Variants in RAD18 observed in about 807,000 individuals in gnomAD.
The protein encoded by RAD18 is E3 ubiquitin-protein ligase RAD18.
RAD18 carries 47 observed loss-of-function variants against 60.4 expected under a neutral mutation model. The ratio of observed to expected loss-of-function variants is 0.78; its 90% CI spans 0.62 to 0.99. RAD18 has a LOEUF of 0.99. RAD18 is among the 50% of genes least tolerant of loss of function. The pLI, the probability that RAD18 is intolerant of heterozygous loss-of-function variation, is 0.00. For missense variants in RAD18, 640 were observed against 593.3 expected, an observed-to-expected ratio of 1.08 and a Z score of -0.82; for synonymous variants, 225 against 195.5, an observed-to-expected ratio of 1.15 and a Z score of -1.26.
At chr3:8,889,186 C>T (rs1203415226) in intron 12 of RAD18, among the ~76,000 whole-genome samples, 5 of 152,192 alleles carry the variant, frequency 3.3e-5, no homozygotes, top group Admixed American at 3.3e-4. Flanking sequence ...GCACAGCAAG[C>T]CTCTCCACCT....
intron 12 of RAD18, 109 bp downstream of exon 12, chr3:8,890,280 C>T (rs1939662013): frequency 9.3e-6 from 8 of 856,310 alleles, no homozygotes; most frequent in South Asian, 1.6e-5. Flanking sequence ...AGGATTACTA[C>T]TTCTTTAAAC....
intron 11 of RAD18, among the ~76,000 whole-genome samples, chr3:8,892,030 C>T (rs1034676836): frequency 6.6e-6 from 1 of 152,158 alleles, no homozygotes; most frequent in Non-Finnish European, 1.5e-5. Context: ...GGGATAAAAG[C>T]AATTAATATT....
chr3:8,934,795 G>T (rs562320191), intron 7 of RAD18, among the ~76,000 whole-genome samples: 1 of 152,300 alleles, frequency 6.6e-6, no homozygotes, highest in South Asian at 2.1e-4. Context: ...ATTATTAATA[G>T]AGGAAAAGTG....
At chr3:8,912,903 C>A (rs1248515717) in intron 8 of RAD18, among the ~76,000 whole-genome samples, 1 of 152,114 alleles carries the variant, frequency 6.6e-6, no homozygotes, top group African/African-American at 2.4e-5. Flanking sequence ...ACTGCAGTTC[C>A]CATCTTACAG....
At chr3:8,960,320 A>G (rs960539250) in intron 1 of RAD18, among the ~76,000 whole-genome samples, 8 of 152,182 alleles carry the variant, frequency 5.3e-5, no homozygotes, top group South Asian at 4.1e-4. Flanking sequence ...AAAAAAAGGA[A>G]AAAAGAATGC....
chr3:8,907,896 C>T (rs951136453), intron 9 of RAD18, among the ~76,000 whole-genome samples: 1 of 152,202 alleles, frequency 6.6e-6, no homozygotes, highest in African/African-American at 2.4e-5. Flanking sequence ...CTGCTCCCAC[C>T]AGAGAGGAGC....
chr3:8,893,883 T>C (rs6807377), intron 11 of RAD18, among the ~76,000 whole-genome samples: 30,877 of 151,630 alleles, frequency 0.2, 4,899 homozygotes, highest in African/African-American at 0.44. Context: ...AGAGATGGCA[T>C]CTCCCTATGT....
chr3:8,947,884 A>T (rs1056461863), intron 3 of RAD18, among the ~76,000 whole-genome samples: 11 of 152,222 alleles, frequency 7.2e-5, no homozygotes, highest in Non-Finnish European at 1.3e-4. Flanking sequence ...GTTCAGTGAC[A>T]CCCTGACACC....
intron 11 of RAD18, among the ~76,000 whole-genome samples, chr3:8,898,388 G>A (rs1939838077): frequency 4.2e-5 from 1 of 23,778 alleles, no homozygotes; most frequent in Non-Finnish European, 2.8e-4. Flanking sequence ...ATGCGTGTGT[G>A]TGTGTGTGTG....
intron 2 of RAD18, among the ~76,000 whole-genome samples, chr3:8,956,260 A>T (rs1941007824): frequency 6.6e-6 from 1 of 152,176 alleles, no homozygotes; most frequent in Non-Finnish European, 1.5e-5. Flanking sequence ...GGCTACTATT[A>T]AGTAAAATAA....
At position 8,881,566 on chromosome 3, in the gene RAD18, T is replaced by C. The variant is rs1263422501; in HGVS notation, c.1386-107A>G. ...ATATTATTTCATTAAAACCTCGAAA[T>C]AATCCTCTATTCTGTTGATGAATTC... On this transcript the variant is annotated intron_variant, in intron 12 of 12. Transcript: ENST00000264926. The C allele has an allele frequency of 1.5e-5, 12 of 815,874 alleles. 1 individual carries two copies. The South Asian group carries it at 1.5e-4, about 10-fold the overall frequency. The allele number at this position is 815,874 out of a possible 1,614,324, so 50.5% of individuals were successfully genotyped here.
chr3:8,937,762 C>A lies in RAD18; in HGVS notation c.705-1707G>T, dbSNP rs187863955. ...AAATTAAACAAAACCTAACAGTAACCCTTAATGTAGGACTTCTCAAAGCCT... is the reference window on the plus strand; with the variant it reads ...AAATTAAACAAAACCTAACAGTAACACTTAATGTAGGACTTCTCAAAGCCT... On this transcript the variant is annotated intron_variant, in intron 6 of 12. Coordinates refer to ENST00000264926, the MANE Select transcript of RAD18 (RefSeq NM_020165.4). 2.1e-3 allele frequency among the ~76,000 whole-genome samples: 325 copies of A among 152,212 alleles called. 1 individual carries two copies. Among genetic ancestry groups the A allele is most frequent in the African/African-American group, 7.2e-3 (301 of 41,532 alleles).
intron 7 of RAD18, among the ~76,000 whole-genome samples, chr3:8,930,785 A>C (rs189329663): frequency 6.6e-6 from 1 of 152,338 alleles, no homozygotes; most frequent in Non-Finnish European, 1.5e-5. Flanking sequence ...TTTACCTATA[A>C]GTTGGGGTAT....
intron 12 of RAD18, among the ~76,000 whole-genome samples, chr3:8,884,203 A>C (rs1317432215): frequency 6.6e-6 from 1 of 152,206 alleles, no homozygotes; most frequent in Non-Finnish European, 1.5e-5. Flanking sequence ...GGATGAGAAC[A>C]AAGCCAGTCG....
intron 9 of RAD18, among the ~76,000 whole-genome samples, chr3:8,905,894 ACT>A (rs1939994135): frequency 6.6e-6 from 1 of 152,138 alleles, no homozygotes; most frequent in Admixed American, 6.5e-5. Flanking sequence ...TCTAACAGAA[ACT>A]CTGTCATCTT....
At chr3:8,924,212 G>C (rs1448509021) in intron 7 of RAD18, among the ~76,000 whole-genome samples, 1 of 151,414 alleles carries the variant, frequency 6.6e-6, no homozygotes, top group African/African-American at 2.4e-5. Flanking sequence ...AAGGGATGGA[G>C]GAAGATCTAC....
At chr3:8,912,550 G>T in intron 8 of RAD18, 178 bp from the exon 9 acceptor site, 2 of 394,116 alleles carry the variant, frequency 5.1e-6, no homozygotes, top group Non-Finnish European at 8.9e-6. Flanking sequence ...TACCAGAAAT[G>T]GTATACATTT....
intron 10 of RAD18, among the ~76,000 whole-genome samples, chr3:8,900,731 G>A (rs1939894836): frequency 6.6e-6 from 1 of 152,116 alleles, no homozygotes; most frequent in East Asian, 1.9e-4. Flanking sequence ...AATTATATTG[G>A]TTGTATGATG....
At position 8,956,697 on chromosome 3, in the gene RAD18, C is replaced by T. The variant is rs1221509757; in HGVS notation, c.133+2223G>A. Among the ~76,000 whole-genome samples, 7 of 145,542 alleles carry T rather than the reference C, an allele frequency of 4.8e-5. No homozygotes were observed. In the East Asian group the frequency reaches 1.4e-3, roughly 29 times the overall value. On this transcript the variant is annotated intron_variant, in intron 2 of 12. Transcript: ENST00000264926. ...AAATAAAGGAAGAAAATCATATGAGCATCTCCATAACTGCAGAAAATACTT... is the reference window on the plus strand; with the variant it reads ...AAATAAAGGAAGAAAATCATATGAGTATCTCCATAACTGCAGAAAATACTT...
Sources: allele counts gnomAD v4.1 joint callset (sites outside exome capture counted in the v4.1 genomes callset), GRCh38; gene constraint gnomAD v4.1.1; transcripts MANE v1.5; gene names NCBI Gene and HGNC (gene_info 2026-07-23, HGNC 2026-07-21).